RPAP3: variants seen among roughly 807,000 people sequenced by gnomAD.
The protein encoded by RPAP3 is RNA polymerase II associated protein 3, also known as RNA polymerase II-associated protein 3.
A neutral mutation model predicts 88.8 loss-of-function variants in RPAP3; 58 were observed. The ratio of observed to expected loss-of-function variants is 0.65; its 90% CI spans 0.53 to 0.81. The LOEUF (loss-of-function observed/expected upper bound fraction) is 0.81. Ranked by LOEUF, RPAP3 falls within the 40% of genes least tolerant of loss-of-function variation. The pLI, the probability that RPAP3 is intolerant of heterozygous loss-of-function variation, is 0.00. For synonymous variants in RPAP3, 255 were observed against 259.9 expected, an observed-to-expected ratio of 0.98 and a Z score of 0.18; for missense variants, 751 against 764.3, an observed-to-expected ratio of 0.98 and a Z score of 0.20.
intron 5 of RPAP3, among the ~76,000 whole-genome samples, chr12:47,693,650 C>T (rs183361106): frequency 5.5e-4 from 83 of 152,264 alleles, no homozygotes; most frequent in Admixed American, 4.6e-4. Context: ...CAAGAATGCC[C>T]ATTATCACTG....
At chr12:47,674,912 C>T (rs192483779) in intron 12 of RPAP3, among the ~76,000 whole-genome samples, 2 of 152,258 alleles carry the variant, frequency 1.3e-5, no homozygotes, top group Non-Finnish European at 2.9e-5. Flanking sequence ...CAAAGATACT[C>T]CTCGAGAAGA....
intron 4 of RPAP3, among the ~76,000 whole-genome samples, chr12:47,696,662 T>C (rs377324662): frequency 3.8e-4 from 58 of 152,210 alleles, no homozygotes; most frequent in African/African-American, 1.3e-3. Context: ...ATGAAGACTT[T>C]AGATCCACTT....
intron 9 of RPAP3, among the ~76,000 whole-genome samples, chr12:47,682,077 G>C (rs1939232828): frequency 6.6e-6 from 1 of 152,052 alleles, no homozygotes; most frequent in African/African-American, 2.4e-5. Context: ...GCAAAAATAT[G>C]ACTAGGGCAG....
At position 47,696,363 on chromosome 12, in the gene RPAP3, A is replaced by C; in HGVS notation, c.458T>G (p.Ile153Ser). The stretch of plus-strand genomic sequence containing the variant: ...ATCCATGCCTTTTGTGTAGCAGTCA[A>C]TTGCTTCATCATATTTTCCTTGTTT... ...YFKQGKYDEA[I>S]DCYTKGMDAD... Residue 153 changes from isoleucine (I) to serine (S), a missense_variant, in exon 5 of 17, where the codon ATT (isoleucine) becomes AGT (serine). Coordinates refer to ENST00000005386, the MANE Select transcript of RPAP3 (RefSeq NM_024604.3). 6.3e-7 allele frequency: 1 copy of C among 1,598,926 alleles called. No homozygotes were observed. Among genetic ancestry groups the C allele is most frequent in the Non-Finnish European group, 8.5e-7 (1 of 1,171,280 alleles).
At chr12:47,705,923 G>A (rs1156526181) in intron 1 of RPAP3, 29 bp downstream of exon 1, 1 of 153,694 alleles carries the variant, frequency 6.5e-6, no homozygotes, top group Non-Finnish European at 1.4e-5. Context: ...ACGCTGCTCC[G>A]GGCAGCGAGA....
chr12:47,669,900 C>T (rs542704225), intron 13 of RPAP3, among the ~76,000 whole-genome samples: 1 of 152,052 alleles, frequency 6.6e-6, no homozygotes, highest in South Asian at 2.1e-4. Flanking sequence ...TTAAATTTCA[C>T]ACTGTGGTTA....
chr12:47,661,397 C>G lies in RPAP3; in HGVS notation c.*2108G>C, dbSNP rs113898527. On this transcript the variant is annotated 3_prime_UTR_variant, in exon 17 of 17. Transcript: ENST00000005386. ...ATAATAGTAACAGTAGCTTACTATA[C>G]ATCCAGCCCTGCTCCAAAAACAAAA... The G allele has an allele frequency of 2.0e-5, 3 of 152,208 alleles. No individual in the cohort carries two copies. Among genetic ancestry groups the G allele is most frequent in the Non-Finnish European group, 4.4e-5 (3 of 68,004 alleles). 9.4% of individuals were successfully genotyped at this position (152,208 alleles called of 1,614,324 possible).
chr12:47,699,469 C>T (rs1428396502), intron 3 of RPAP3: 2 of 152,100 alleles, frequency 1.3e-5, no homozygotes, highest in Non-Finnish European at 2.9e-5. Context: ...AAAATTTTAC[C>T]TCTCTTATAT....
Position 47,697,596 on chromosome 12 carries a change from C to T in RPAP3, c.417+1G>A. 8 of 1,594,038 alleles carry T rather than the reference C, an allele frequency of 5.0e-6. 1 individual carries two copies. In the South Asian group the frequency reaches 9.3e-5, roughly 18 times the overall value. ...AAAAACAAAACCTAACTAATTAGTA[C>T]CTTTTCTTTTAAAACAAGAGCCTTT... On this transcript the variant is annotated splice_donor_variant, in intron 4 of 16. Transcript: ENST00000005386. LOFTEE classifies it high-confidence loss of function.
At chr12:47,689,098 C>G in intron 7 of RPAP3, 27 bp downstream of exon 7, 1 of 1,022,944 alleles carries the variant, frequency 9.8e-7, no homozygotes, top group Non-Finnish European at 1.5e-6. Flanking sequence ...GGTCATAATA[C>G]ACTTAATTTA....
In RPAP3 at chr12:47,662,529, A is replaced by G. The variant is rs557174192; in HGVS notation, c.*976T>C. ...TCTTATTGATGCTGATAACAATTAA[A>G]GGATGGTGTCCTAATATTTTTTAAC... On this transcript the variant is annotated 3_prime_UTR_variant, in exon 17 of 17. Coordinates refer to ENST00000005386, the MANE Select transcript of RPAP3 (RefSeq NM_024604.3). 1.4e-4 allele frequency: 22 copies of G among 152,334 alleles called. No individual in the cohort carries two copies. The highest frequency in any genetic ancestry group is 5.3e-4 in the African/African-American group (22 of 41,598). The allele number at this position is 152,334 out of a possible 1,614,324, so 9.4% of individuals were successfully genotyped here.
chr12:47,697,566 T>C (rs758567604), intron 4 of RPAP3, 31 bp downstream of exon 4: 20 of 1,573,590 alleles, frequency 1.3e-5, no homozygotes, highest in African/African-American at 4.1e-5. Flanking sequence ...CCTGCTTACA[T>C]GAAAAAAAAC....
rs1054007193 is a variant in RPAP3, at chr12:47,662,712, G to A, written c.*793C>T. Reference sequence around the variant, plus strand: ...GTTGAGCACCTAACTATGTGCAAACGTCTGTGCTAGGTACTATGCAGAGTA... The same window carrying A: ...GTTGAGCACCTAACTATGTGCAAACATCTGTGCTAGGTACTATGCAGAGTA... On this transcript the variant is annotated 3_prime_UTR_variant, in exon 17 of 17. Coordinates refer to ENST00000005386, the MANE Select transcript of RPAP3 (RefSeq NM_024604.3). The A allele has an allele frequency of 2.0e-5, 3 of 152,188 alleles. No individual in the cohort carries two copies. The highest frequency in any genetic ancestry group is 6.5e-5 in the Admixed American group (1 of 15,272). The allele number at this position is 152,188 out of a possible 1,614,324, so 9.4% of individuals were successfully genotyped here. A position where few individuals can be genotyped will look rare whatever the true frequency, so the allele number is the denominator to read the frequency against.
Position 47,690,630 on chromosome 12 carries a change from A to G in RPAP3, c.555T>C (p.Val185=). 6.7e-7 allele frequency: 1 copy of G among 1,501,186 alleles called. No individual in the cohort carries two copies. The highest frequency in any genetic ancestry group is 9.0e-7 in the Non-Finnish European group (1 of 1,115,374). The allele number at this position is 1,501,186 out of a possible 1,614,324, so 93.0% of individuals were successfully genotyped here. The stretch of plus-strand genomic sequence containing the variant: ...CTGCTAAATTACAATCAGACTCAGC[A>G]ACAGCAAATCTGCAATTTAAAAACA... ...SAYFRLKKFA[V]AESDCNLAVA... The change falls in exon 6 of 17, where the codon GTT becomes GTC. Residue 185 remains valine, a synonymous_variant. Transcript: ENST00000005386.
rs533570662 is a variant in RPAP3 at position 47,674,350 on chromosome 12, G to C, written c.1288-4005C>G. Among the ~76,000 whole-genome samples, 73 of 152,262 alleles carry C rather than the reference G, an allele frequency of 4.8e-4. 4 individuals are homozygous for C. Among genetic ancestry groups the C allele is most frequent in the African/African-American group, 1.6e-3 (67 of 41,534 alleles). On this transcript the variant is annotated intron_variant, in intron 12 of 16. Transcript: ENST00000005386. ...TCAGAGCACCTATTCTCTTCCAAAG[G>C]AACACAGCTCCTCACCAGCAATGGA... is the stretch of plus-strand genomic sequence containing the variant.
In RPAP3 at chr12:47,697,544, T is replaced by C. The variant is rs1002050179; in HGVS notation, c.417+53A>G. The stretch of plus-strand genomic sequence containing the variant: ...TCAAGAAACTTTACGATCCACATGA[T>C]TTTCAACATCTCCTGCTTACATGAA... On this transcript the variant is annotated intron_variant, in intron 4 of 16. Transcript: ENST00000005386. 7.9e-5 allele frequency: 120 copies of C among 1,519,100 alleles called. No homozygotes were observed. In the African/African-American group the frequency reaches 1.5e-3, roughly 19 times the overall value. The allele number at this position is 1,519,100 out of a possible 1,614,324, so 94.1% of individuals were successfully genotyped here.
At chr12:47,667,284 GA>G (rs1413181468) in intron 15 of RPAP3, among the ~76,000 whole-genome samples, 1 of 152,130 alleles carries the variant, frequency 6.6e-6, no homozygotes, top group Non-Finnish European at 1.5e-5. Context: ...GCTTAGTACG[GA>G]AACTATTATT....
At chr12:47,700,787 C>T (rs1470240453) in intron 3 of RPAP3, among the ~76,000 whole-genome samples, 1 of 152,172 alleles carries the variant, frequency 6.6e-6, no homozygotes, top group African/African-American at 2.4e-5. Flanking sequence ...CAAGATAGGC[C>T]TATGTTTATC....
chr12:47,665,221 C>T (rs1938845583), intron 16 of RPAP3, among the ~76,000 whole-genome samples: 1 of 151,538 alleles, frequency 6.6e-6, no homozygotes, highest in Non-Finnish European at 1.5e-5. Flanking sequence ...CTGAGCCTCC[C>T]AAGTAGCTGG....
Sources: gnomAD v4.1 joint callset for allele counts (sites outside exome capture counted in the v4.1 genomes callset) on GRCh38, gnomAD v4.1.1 for gene constraint, MANE v1.5 for transcripts, NCBI Gene and HGNC (gene_info 2026-07-23, HGNC 2026-07-21) for gene names.